The following C3orf70 variants were observed in gnomAD, a reference collection of about 807,000 sequenced individuals.
C3orf70 encodes chromosome 3 open reading frame 70.
A neutral mutation model predicts 20.7 loss-of-function variants in C3orf70; 15 were observed. The observed-to-expected ratio is 0.72, with a 90% CI of 0.48 to 1.11. The LOEUF is 1.11. Ranked by LOEUF, C3orf70 falls within the 50% of genes most tolerant of loss-of-function variation. C3orf70 has a pLI of 0.00. For missense variants in C3orf70, 332 were observed against 317.6 expected, an observed-to-expected ratio of 1.05 and a Z score of -0.34; for synonymous variants, 161 against 125.7, an observed-to-expected ratio of 1.28 and a Z score of -1.88.
intron 1 of C3orf70, among the ~76,000 whole-genome samples, chr3:185,127,173 A>C (rs536775712): frequency 1.3e-5 from 2 of 152,164 alleles, no homozygotes; most frequent in Non-Finnish European, 2.9e-5. Context: ...ATAGGATGAA[A>C]AAGTAAAAGT....
In C3orf70 at chr3:185,086,047, C is replaced by T. The variant is rs114043323; in HGVS notation, c.197-2484G>A. ...CCTAAGTAACCTGTGGTTTAGTTAT[C>T]CACTGTCACAGCCACAGGAGGATCC... On this transcript the variant is annotated intron_variant, in intron 1 of 1. Transcript: ENST00000335012. Among the ~76,000 whole-genome samples the T allele has an allele frequency of 5.2e-3, 787 of 152,258 alleles. 8 individuals carry two copies. The highest frequency in any genetic ancestry group is 0.017 in the African/African-American group (727 of 41,552).
chr3:185,094,539 A>C (rs774492975), intron 1 of C3orf70, among the ~76,000 whole-genome samples: 3 of 152,160 alleles, frequency 2.0e-5, no homozygotes, highest in African/African-American at 2.4e-5. Flanking sequence ...GACGGGATAC[A>C]GTAAGAGCTA....
intron 1 of C3orf70, among the ~76,000 whole-genome samples, chr3:185,134,231 C>A (rs1577332546): frequency 6.6e-6 from 1 of 152,122 alleles, no homozygotes; most frequent in East Asian, 1.9e-4. Context: ...GACAGTAACA[C>A]CAAATAGTTT....
intron 1 of C3orf70, among the ~76,000 whole-genome samples, chr3:185,121,846 T>A (rs1206111754): frequency 6.6e-6 from 1 of 152,178 alleles, no homozygotes. Context: ...ACGCCTGTAA[T>A]CCCAGCGCTT....
intron 1 of C3orf70, among the ~76,000 whole-genome samples, chr3:185,112,974 C>T (rs920919437): frequency 1.3e-5 from 2 of 152,242 alleles, no homozygotes; most frequent in South Asian, 4.2e-4. Flanking sequence ...AAACTTGAGT[C>T]ACTGAACATG....
intron 1 of C3orf70, among the ~76,000 whole-genome samples, chr3:185,118,129 T>C (rs1716220583): frequency 6.6e-6 from 1 of 152,232 alleles, no homozygotes; most frequent in Non-Finnish European, 1.5e-5. Flanking sequence ...CCCAAGGCAG[T>C]ATTACATTGT....
rs537842267 is a variant in C3orf70 at position 185,118,498 on chromosome 3, T to G, written c.196+34130A>C. Among the ~76,000 whole-genome samples, 3 of 152,326 alleles carry G rather than the reference T, an allele frequency of 2.0e-5. No homozygotes were observed. In the South Asian group the frequency reaches 6.2e-4, roughly 32 times the overall value. The stretch of plus-strand genomic sequence containing the variant: ...TATACCTTGTTGGTAGCACAGTGCT[T>G]AATACAGAGGGGGTACTCAGTAAAT... On this transcript the variant is annotated intron_variant, in intron 1 of 1. Transcript: ENST00000335012.
rs1715367865 is a variant in C3orf70 at position 185,082,615 on chromosome 3, G to C, written c.*392C>G. Reference sequence around the variant, plus strand: ...GGAGTGCCTGTGAACATGCCAAAGGGAATGGCAAGAGTCTCTGTGAAGGAC... The same window carrying C: ...GGAGTGCCTGTGAACATGCCAAAGGCAATGGCAAGAGTCTCTGTGAAGGAC... On this transcript the variant is annotated 3_prime_UTR_variant, in exon 2 of 2. Transcript: ENST00000335012. The C allele has an allele frequency of 4.7e-6, 1 of 213,022 alleles. No individual in the cohort carries two copies. Among genetic ancestry groups the C allele is most frequent in the Admixed American group, 5.3e-5 (1 of 18,928 alleles). The allele number at this position is 213,022 out of a possible 1,614,324, so 13.2% of individuals were successfully genotyped here.
At chr3:185,104,841 GGAT>G (rs1471714503) in intron 1 of C3orf70, among the ~76,000 whole-genome samples, 1 of 152,120 alleles carries the variant, frequency 6.6e-6, no homozygotes, top group African/African-American at 2.4e-5. Flanking sequence ...AGGAGGGAAA[GGAT>G]CATGAAAAAT....
At chr3:185,146,370 C>G (rs1577336524) in intron 1 of C3orf70, among the ~76,000 whole-genome samples, 1 of 146,600 alleles carries the variant, frequency 6.8e-6, no homozygotes, top group South Asian at 2.1e-4. Context: ...TCGCTGCAAC[C>G]TCTGCCTCCC....
intron 1 of C3orf70, among the ~76,000 whole-genome samples, chr3:185,126,420 T>G (rs1561357050): frequency 6.6e-6 from 1 of 152,124 alleles, no homozygotes; most frequent in East Asian, 1.9e-4. Flanking sequence ...CAAGTGAAAT[T>G]CAGGGATATA....
rs1024454237 is a variant in C3orf70 at position 185,145,319 on chromosome 3, T to A, written c.196+7309A>T. On this transcript the variant is annotated intron_variant, in intron 1 of 1. Transcript: ENST00000335012. ...GTTCAACAGGCTTGGAAGCCAGTAA[T>A]AATTAATGGTGTGTATACAATTCTA... Among the ~76,000 whole-genome samples the A allele has an allele frequency of 2.0e-5, 3 of 152,246 alleles. No homozygotes were observed. The South Asian group carries it at 6.2e-4, about 31-fold the overall frequency.
chr3:185,081,562 G>A lies in C3orf70; in HGVS notation c.*1445C>T, dbSNP rs1715337940. 1 of 152,168 alleles carries A rather than the reference G, an allele frequency of 6.6e-6. No individual in the cohort carries two copies. The highest frequency in any genetic ancestry group is 2.4e-5 in the African/African-American group (1 of 41,440). The allele number at this position is 152,168 out of a possible 1,614,324, so 9.4% of individuals were successfully genotyped here. ...TCTCCAACTCTGATGTTCTCATTAG[G>A]CCATACTTAAAATTTCCAGGATTTG... On this transcript the variant is annotated 3_prime_UTR_variant, in exon 2 of 2. Transcript: ENST00000335012.
chr3:185,117,963 A>G (rs1055360175), intron 1 of C3orf70, among the ~76,000 whole-genome samples: 20 of 152,262 alleles, frequency 1.3e-4, no homozygotes, highest in Admixed American at 9.8e-4. Flanking sequence ...TACTGCCCCA[A>G]TCCCCACTCT....
intron 1 of C3orf70, among the ~76,000 whole-genome samples, chr3:185,090,279 AAAT>A (rs1312564615): frequency 2.0e-5 from 3 of 152,088 alleles, no homozygotes. Context: ...GAAAAAGAAA[AAAT>A]AAACCCAAAC....
chr3:185,108,889 G>A (rs956247045), intron 1 of C3orf70, among the ~76,000 whole-genome samples: 1 of 152,196 alleles, frequency 6.6e-6, no homozygotes, highest in Non-Finnish European at 1.5e-5. Context: ...TGCCAATCAG[G>A]AGAGTCTTCT....
chr3:185,137,733 T>C (rs545907434), intron 1 of C3orf70, among the ~76,000 whole-genome samples: 1 of 152,314 alleles, frequency 6.6e-6, no homozygotes, highest in South Asian at 2.1e-4. Flanking sequence ...AAATTTATGA[T>C]ACACAGCTAA....
At chr3:185,091,262 T>C (rs1483543766) in intron 1 of C3orf70, among the ~76,000 whole-genome samples, 1 of 151,998 alleles carries the variant, frequency 6.6e-6, no homozygotes, top group Non-Finnish European at 1.5e-5. Context: ...ACCGGTATTG[T>C]AGCAAGCAGA....
In C3orf70 at chr3:185,079,697, G is replaced by A. The variant is rs188166044; in HGVS notation, c.*3310C>T. On this transcript the variant is annotated 3_prime_UTR_variant, in exon 2 of 2. Coordinates refer to ENST00000335012, the MANE Select transcript of C3orf70 (RefSeq NM_001025266.3). ...AGTGGAATTAAGCTTCTACCTAATA[G>A]CTTTTATACCAACTTTCCAAAAGTA... The A allele has an allele frequency of 6.6e-6, 1 of 152,294 alleles. No individual in the cohort carries two copies. 9.4% of individuals were successfully genotyped at this position (152,294 alleles called of 1,614,324 possible).
Sources: gnomAD v4.1 joint callset for allele counts (sites outside exome capture counted in the v4.1 genomes callset) on GRCh38, gnomAD v4.1.1 for gene constraint, MANE v1.5 for transcripts, NCBI Gene and HGNC (gene_info 2026-07-23, HGNC 2026-07-21) for gene names.